The following SCARA3 variants were observed in gnomAD, a reference collection of about 807,000 sequenced individuals.
The protein encoded by SCARA3 is cellular stress response gene protein.
A neutral mutation model predicts 47.0 loss-of-function variants in SCARA3; 39 were observed. The ratio of observed to expected loss-of-function variants is 0.83; its 90% CI spans 0.64 to 1.08. The LOEUF is 1.08. Ranked by LOEUF, SCARA3 falls within the 50% of genes least tolerant of loss-of-function variation. The pLI is 0.00. For missense variants in SCARA3, 724 were observed against 792.3 expected, an observed-to-expected ratio of 0.91 and a Z score of 1.04; for synonymous variants, 356 against 334.1, an observed-to-expected ratio of 1.07 and a Z score of -0.71.
chr8:27,639,379 A>G (rs1801332394), intron 1 of SCARA3, among the ~76,000 whole-genome samples: 1 of 152,186 alleles, frequency 6.6e-6, no homozygotes, highest in Admixed American at 6.5e-5. Context: ...CGGGAGAGAA[A>G]GGGAGCATTT....
In SCARA3 at chr8:27,634,158, C is replaced by G. The variant is rs1801195560; in HGVS notation, c.-43C>G. ...CCGCCCGGCTCCACTACAGCTCCAGCCGCCTGCAGCGGGGCCCTCCTGAGG... is the reference window on the plus strand; with the variant it reads ...CCGCCCGGCTCCACTACAGCTCCAGGCGCCTGCAGCGGGGCCCTCCTGAGG... On this transcript the variant is annotated 5_prime_UTR_variant, in exon 1 of 6. Coordinates refer to ENST00000301904, the MANE Select transcript of SCARA3 (RefSeq NM_016240.3). 4 of 1,449,670 alleles carry G rather than the reference C, an allele frequency of 2.8e-6. No homozygotes were observed. Among genetic ancestry groups the G allele is most frequent in the African/African-American group, 1.5e-5 (1 of 68,126 alleles). 89.8% of individuals were successfully genotyped at this position (1,449,670 alleles called of 1,614,324 possible).
intron 5 of SCARA3, among the ~76,000 whole-genome samples, chr8:27,660,491 GGATAGATA>G (rs34842841): frequency 6.0e-5 from 9 of 150,534 alleles, no homozygotes; most frequent in East Asian, 3.9e-4. Flanking sequence ...TGATAGAAAT[GGATAGATA>G]GATAGATAGG....
chr8:27,658,712 T>A lies in SCARA3; in HGVS notation c.542T>A (p.Val181Asp). 6.2e-7 allele frequency: 1 copy of A among 1,614,076 alleles called. No individual in the cohort carries two copies. The highest frequency in any genetic ancestry group is 8.5e-7 in the Non-Finnish European group (1 of 1,179,998). The change falls in exon 5 of 6, where the codon GTT (valine) becomes GAT (aspartate). Residue 181 changes from valine (V) to aspartate (D), a missense_variant. By Grantham distance (152) the Val-to-Asp change is radical. Transcript: ENST00000301904. The stretch of plus-strand genomic sequence containing the variant: ...AGTTGCTCCTTCTCCATCCACCAGG[T>A]TAACCAGTCTCTGGGGCTCTTCCTG... Reference protein sequence around the residue: ...MGSCSFSIHQVNQSLGLFLAQ... With the variant: ...MGSCSFSIHQDNQSLGLFLAQ...
rs34557582 is a variant in SCARA3, at chr8:27,655,709, T to C, written c.227-1073T>C. On this transcript the variant is annotated intron_variant, in intron 3 of 5. Coordinates refer to ENST00000301904, the MANE Select transcript of SCARA3 (RefSeq NM_016240.3). Reference sequence around the variant, plus strand: ...ATTACTTATATTTATATATCAAGTTTTATTTATGAGCTCAGAAGAAGAGGT... The same window carrying C: ...ATTACTTATATTTATATATCAAGTTCTATTTATGAGCTCAGAAGAAGAGGT... Among the ~76,000 whole-genome samples the C allele has an allele frequency of 4.2e-3, 640 of 152,334 alleles. 5 individuals carry two copies. Among genetic ancestry groups the C allele is most frequent in the African/African-American group, 0.015 (606 of 41,574 alleles).
chr8:27,671,870 C>T lies in SCARA3; in HGVS notation c.*519C>T, dbSNP rs533951438. ...TGGCCAGGTGGGCCAACTGGGTTTC[C>T]CTGGCTGGGCAGGAGGAGAGGGCAG... is the stretch of plus-strand genomic sequence containing the variant. On this transcript the variant is annotated 3_prime_UTR_variant, in exon 6 of 6. Transcript: ENST00000301904. 37 of 985,512 alleles carry T rather than the reference C, an allele frequency of 3.8e-5. No individual in the cohort carries two copies. The African/African-American group carries it at 5.6e-4, about 15-fold the overall frequency. 61.0% of individuals were successfully genotyped at this position (985,512 alleles called of 1,614,324 possible).
rs35051518 is a variant in SCARA3, at chr8:27,661,523, C to T, written c.1369+1984C>T. Among the ~76,000 whole-genome samples the T allele has an allele frequency of 3.5e-3, 525 of 152,078 alleles. 4 individuals are homozygous for T. The highest frequency in any genetic ancestry group is 8.4e-3 in the Admixed American group (128 of 15,276). On this transcript the variant is annotated intron_variant, in intron 5 of 5. Transcript: ENST00000301904. The stretch of plus-strand genomic sequence containing the variant: ...AGAAGACAGAAAACAAAATTGTTGG[C>T]TATACACACACACAGATATATTCAT...
At position 27,672,458 on chromosome 8, in the gene SCARA3, G is replaced by A; in HGVS notation, c.*1107G>A. The A allele has an allele frequency of 1.0e-6, 1 of 985,674 alleles. No homozygotes were observed. The highest frequency in any genetic ancestry group is 4.7e-5 in the South Asian group (1 of 21,290). The allele number at this position is 985,674 out of a possible 1,614,324, so 61.1% of individuals were successfully genotyped here. Reference sequence around the variant, plus strand: ...TTCCCCAAGGGGGCTCCTCTGGAGTGGTGGGGAGGATTAGGCTGCAGAAGG... The same window carrying A: ...TTCCCCAAGGGGGCTCCTCTGGAGTAGTGGGGAGGATTAGGCTGCAGAAGG... On this transcript the variant is annotated 3_prime_UTR_variant, in exon 6 of 6. Transcript: ENST00000301904.
chr8:27,698,782 AG>A, the SCARA3 span, among the ~76,000 whole-genome samples: 2 of 152,202 alleles, frequency 1.3e-5, no homozygotes, highest in African/African-American at 2.4e-5. Context: ...TAAAATATAT[AG>A]GAATGAATTT....
the SCARA3 span, among the ~76,000 whole-genome samples, chr8:27,731,520 C>A: frequency 6.6e-6 from 1 of 151,620 alleles, no homozygotes; most frequent in Non-Finnish European, 1.5e-5. Flanking sequence ...TGATGGTGCG[C>A]GCCTGTATTC....
chr8:27,636,836 C>T (rs1801263912), intron 1 of SCARA3, among the ~76,000 whole-genome samples: 1 of 152,194 alleles, frequency 6.6e-6, no homozygotes, highest in African/African-American at 2.4e-5. Flanking sequence ...CGCCCCTCTA[C>T]CAGAGATGGA....
At chr8:27,639,192 C>G (rs941369001) in intron 1 of SCARA3, among the ~76,000 whole-genome samples, 1 of 152,258 alleles carries the variant, frequency 6.6e-6, no homozygotes, top group Non-Finnish European at 1.5e-5. Context: ...AGTCAGCCAA[C>G]ATGTATGGAG....
chr8:27,705,699 T>C, the SCARA3 span, among the ~76,000 whole-genome samples: 2 of 152,242 alleles, frequency 1.3e-5, no homozygotes, highest in South Asian at 4.1e-4. Context: ...CAAACTATTG[T>C]CCCTATTGTC....
Position 27,671,874 on chromosome 8 carries a change from G to A in SCARA3, c.*523G>A. On this transcript the variant is annotated 3_prime_UTR_variant, in exon 6 of 6. Coordinates refer to ENST00000301904, the MANE Select transcript of SCARA3 (RefSeq NM_016240.3). ...CAGGTGGGCCAACTGGGTTTCCCTG[G>A]CTGGGCAGGAGGAGAGGGCAGAGGA... is the stretch of plus-strand genomic sequence containing the variant. 1 of 985,510 alleles carries A rather than the reference G, an allele frequency of 1.0e-6. No homozygotes were observed. Among genetic ancestry groups the A allele is most frequent in the East Asian group, 1.1e-4 (1 of 8,800 alleles). 61.0% of individuals were successfully genotyped at this position (985,510 alleles called of 1,614,324 possible).
intron 1 of SCARA3, among the ~76,000 whole-genome samples, chr8:27,646,124 G>T (rs1026852350): frequency 6.6e-6 from 1 of 152,194 alleles, no homozygotes; most frequent in Non-Finnish European, 1.5e-5. Flanking sequence ...AAATCCAAGG[G>T]ATTAGAGAGA....
chr8:27,639,852 C>T (rs376580045), intron 1 of SCARA3, among the ~76,000 whole-genome samples: 16 of 152,264 alleles, frequency 1.1e-4, no homozygotes, highest in Admixed American at 2.0e-4. Flanking sequence ...TGACCCACCG[C>T]GTTGACTGCT....
chr8:27,694,667 C>A, the SCARA3 span, among the ~76,000 whole-genome samples: 1 of 152,096 alleles, frequency 6.6e-6, no homozygotes, highest in Non-Finnish European at 1.5e-5. Context: ...CTCTGATCAG[C>A]AAGGAGCTTA....
intron 5 of SCARA3, among the ~76,000 whole-genome samples, chr8:27,662,592 C>T (rs138859658): frequency 4.3e-4 from 66 of 152,290 alleles, no homozygotes; most frequent in African/African-American, 1.5e-3. Context: ...CCAGGGCAAG[C>T]GTCTATTCTG....
chr8:27,664,715 C>T (rs1264949754), intron 5 of SCARA3, among the ~76,000 whole-genome samples: 1 of 149,118 alleles, frequency 6.7e-6, no homozygotes, highest in Non-Finnish European at 1.5e-5. Context: ...CCTAGTCATG[C>T]GTGGAGTTTT....
chr8:27,722,764 T>G, the SCARA3 span, among the ~76,000 whole-genome samples: 1 of 152,192 alleles, frequency 6.6e-6, no homozygotes. Flanking sequence ...TATGGCCAAG[T>G]AGGAAACCAC....
Sources: gnomAD v4.1 joint callset for allele counts (sites outside exome capture counted in the v4.1 genomes callset) on GRCh38, gnomAD v4.1.1 for gene constraint, MANE v1.5 for transcripts, NCBI Gene and HGNC (gene_info 2026-07-23, HGNC 2026-07-21) for gene names.